The following NT5DC1 variants were observed in gnomAD, a reference collection of about 807,000 sequenced individuals.
The protein encoded by NT5DC1 is 5'-nucleotidase domain containing 1.
A neutral mutation model predicts 59.4 loss-of-function variants in NT5DC1; 42 were observed. That is an observed-to-expected ratio of 0.71 (90% confidence interval 0.55 to 0.92). NT5DC1 has a LOEUF of 0.92. Ranked by LOEUF, NT5DC1 falls within the 40% of genes least tolerant of loss-of-function variation. NT5DC1 has a pLI of 0.00. For missense variants in NT5DC1, 501 were observed against 537.1 expected, an observed-to-expected ratio of 0.93 and a Z score of 0.66; for synonymous variants, 172 against 188.1, an observed-to-expected ratio of 0.91 and a Z score of 0.70.
intron 6 of NT5DC1, among the ~76,000 whole-genome samples, chr6:116,154,019 G>A (rs1451101124): frequency 1.3e-5 from 2 of 150,328 alleles, no homozygotes; most frequent in African/African-American, 4.9e-5. Flanking sequence ...CATGCCTAAA[G>A]GGAAGATTTC....
intron 6 of NT5DC1, among the ~76,000 whole-genome samples, chr6:116,163,751 A>G (rs1780400569): frequency 6.6e-6 from 1 of 152,164 alleles, no homozygotes; most frequent in Non-Finnish European, 1.5e-5. Context: ...TGAATTTAGT[A>G]CTATGAACTT....
rs747480072 is a variant in NT5DC1, at chr6:116,244,042, ATGAAG to A, written c.*24_*28del. ...CCAAATAAGTTGTCTTTACTGAAAAATGAAGTGAAGACCCATATATGCAGTTAAAA... is the reference window on the plus strand; with the variant it reads ...CCAAATAAGTTGTCTTTACTGAAAAATGAAGACCCATATATGCAGTTAAAA... On this transcript the variant is annotated 3_prime_UTR_variant, in exon 12 of 12. Coordinates refer to ENST00000319550, the MANE Select transcript of NT5DC1 (RefSeq NM_152729.3). 1.8e-5 allele frequency: 19 copies of A among 1,066,532 alleles called. No individual in the cohort carries two copies. The East Asian group carries it at 3.6e-4, about 20-fold the overall frequency. The allele number at this position is 1,066,532 out of a possible 1,614,324, so 66.1% of individuals were successfully genotyped here.
chr6:116,181,095 G>A lies in NT5DC1; in HGVS notation c.530-39959G>A, dbSNP rs73774219. On this transcript the variant is annotated intron_variant, in intron 6 of 11. Coordinates refer to ENST00000319550, the MANE Select transcript of NT5DC1 (RefSeq NM_152729.3). ...TTAAGACAACCTAACAGAGGTACAC[G>A]AGATACATATATAGATGAAAAGATT... is the stretch of plus-strand genomic sequence containing the variant. Among the ~76,000 whole-genome samples, 344 of 151,900 alleles carry A rather than the reference G, an allele frequency of 2.3e-3. 2 individuals are homozygous for A. Among genetic ancestry groups the A allele is most frequent in the African/African-American group, 8.1e-3 (338 of 41,476 alleles).
chr6:116,198,575 T>A (rs756881507), intron 6 of NT5DC1, among the ~76,000 whole-genome samples: 4 of 151,362 alleles, frequency 2.6e-5, no homozygotes, highest in Admixed American at 2.0e-4. Context: ...AGAAAAAAAA[T>A]TTAAAAATAG....
At chr6:116,209,120 G>C (rs1781520968) in intron 6 of NT5DC1, among the ~76,000 whole-genome samples, 1 of 151,838 alleles carries the variant, frequency 6.6e-6, no homozygotes, top group African/African-American at 2.4e-5. Flanking sequence ...ATAACTAATT[G>C]TATTTTTATT....
chr6:116,110,852 C>G lies in NT5DC1; in HGVS notation c.260C>G (p.Ala87Gly). The G allele has an allele frequency of 6.2e-7, 1 of 1,611,966 alleles. No individual in the cohort carries two copies. Among genetic ancestry groups the G allele is most frequent in the South Asian group, 1.1e-5 (1 of 91,044 alleles). Residue 87 changes from alanine (A) to glycine (G), a missense_variant and splice_region_variant, in exon 4 of 12, where the codon GCA becomes GGA. Physicochemically the swap from Ala to Gly is moderately conservative, Grantham distance 60. Transcript: ENST00000319550. ...TGTGCCTCCTCTCTCAAAATCAGGG[C>G]AAGCCATGGCACCAAGATGATGACT... Reference protein sequence around the residue: ...KLANNGTVLRASHGTKMMTPE... With the variant: ...KLANNGTVLRGSHGTKMMTPE...
chr6:116,247,838 C>T lies in NT5DC1; in HGVS notation c.*3814C>T, dbSNP rs1198945611. Reference sequence around the variant, plus strand: ...AATATTCTCTTAACAGAAATGTCAGCGGTTACTTACAATGCTTAGCAGCTA... The same window carrying T: ...AATATTCTCTTAACAGAAATGTCAGTGGTTACTTACAATGCTTAGCAGCTA... On this transcript the variant is annotated 3_prime_UTR_variant, in exon 12 of 12. Transcript: ENST00000319550. The T allele has an allele frequency of 2.0e-5, 3 of 152,126 alleles. No individual in the cohort carries two copies. Among genetic ancestry groups the T allele is most frequent in the Non-Finnish European group, 4.4e-5 (3 of 68,024 alleles). The allele number at this position is 152,126 out of a possible 1,614,324, so 9.4% of individuals were successfully genotyped here.
intron 6 of NT5DC1, among the ~76,000 whole-genome samples, chr6:116,211,577 C>T (rs1781578323): frequency 6.6e-6 from 1 of 151,932 alleles, no homozygotes. Context: ...ACTAGAACAG[C>T]CATTCATTAG....
At chr6:116,191,713 T>C (rs1365003793) in intron 6 of NT5DC1, among the ~76,000 whole-genome samples, 1 of 152,046 alleles carries the variant, frequency 6.6e-6, no homozygotes, top group African/African-American at 2.4e-5. Flanking sequence ...TGTGTAATAA[T>C]GTAGTTTATA....
chr6:116,234,065 A>G (rs1444856115), intron 8 of NT5DC1, among the ~76,000 whole-genome samples: 3 of 147,956 alleles, frequency 2.0e-5, no homozygotes, highest in African/African-American at 5.0e-5. Flanking sequence ...GGTTCAAGCA[A>G]TTCTCCTGCT....
rs1771792093 is a variant in NT5DC1 at position 116,244,081 on chromosome 6, A to G, written c.*57A>G. The stretch of plus-strand genomic sequence containing the variant: ...CATATATGCAGTTAAAAAAAAGTTA[A>G]TTTTCAAAAAATACTGTAAAAGACT... On this transcript the variant is annotated 3_prime_UTR_variant, in exon 12 of 12. Transcript: ENST00000319550. 3.0e-6 allele frequency: 2 copies of G among 662,504 alleles called. No individual in the cohort carries two copies. Among genetic ancestry groups the G allele is most frequent in the Non-Finnish European group, 5.2e-6 (2 of 383,492 alleles). The allele number at this position is 662,504 out of a possible 1,614,324, so 41.0% of individuals were successfully genotyped here. A position where few individuals can be genotyped will look rare whatever the true frequency, so the allele number is the denominator to read the frequency against.
chr6:116,126,799 G>T lies in NT5DC1; in HGVS notation c.529+8854G>T, dbSNP rs148556235. On this transcript the variant is annotated intron_variant, in intron 6 of 11. Transcript: ENST00000319550. Reference sequence around the variant, plus strand: ...TCTCATATTATGTTAATTTACATAAGATTGCTGTGTTTATTTCAGGAGAAA... The same window carrying T: ...TCTCATATTATGTTAATTTACATAATATTGCTGTGTTTATTTCAGGAGAAA... 3.1e-3 allele frequency among the ~76,000 whole-genome samples: 469 copies of T among 152,114 alleles called. 2 individuals are homozygous for T. The highest frequency in any genetic ancestry group is 0.011 in the African/African-American group (443 of 41,508).
Position 116,108,353 on chromosome 6 carries a change from T to C in NT5DC1, c.186-11T>C, listed in dbSNP as rs1242180727. The C allele has an allele frequency of 6.4e-6, 10 of 1,569,018 alleles. No individual in the cohort carries two copies. The highest frequency in any genetic ancestry group is 1.4e-5 in the African/African-American group (1 of 74,062). Reference sequence around the variant, plus strand: ...TAGGAATTGATTAATAATCAAACTTTCCTATTTCAGTTGCAAAGGTTTGGC... The same window carrying C: ...TAGGAATTGATTAATAATCAAACTTCCCTATTTCAGTTGCAAAGGTTTGGC... On this transcript the variant is annotated splice_polypyrimidine_tract_variant and intron_variant, in intron 2 of 11. Coordinates refer to ENST00000319550, the MANE Select transcript of NT5DC1 (RefSeq NM_152729.3).
At chr6:116,200,939 T>C (rs897646648) in intron 6 of NT5DC1, among the ~76,000 whole-genome samples, 9 of 152,180 alleles carry the variant, frequency 5.9e-5, no homozygotes, top group Middle Eastern at 3.4e-3. Context: ...CAGTGCTTTT[T>C]TCTAACCAAG....
chr6:116,239,096 G>T lies in NT5DC1; in HGVS notation c.1225G>T (p.Ala409Ser). 1 of 1,611,974 alleles carries T rather than the reference G, an allele frequency of 6.2e-7. No homozygotes were observed. The highest frequency in any genetic ancestry group is 8.5e-7 in the Non-Finnish European group (1 of 1,178,988). The part of the protein sequence containing the change: ...CKRISTYSTI[A>S]IPSIEAIAEL... ...GAGAATCAGTACTTACAGCACTATT[G>T]CAATTCCAAGTATTGAAGCAATCGC... Residue 409 changes from alanine to serine, a missense_variant, in exon 11 of 12, where the codon GCA becomes TCA. Coordinates refer to ENST00000319550, the MANE Select transcript of NT5DC1 (RefSeq NM_152729.3).
intron 6 of NT5DC1, among the ~76,000 whole-genome samples, chr6:116,179,013 T>C (rs1388216223): frequency 6.6e-6 from 1 of 152,208 alleles, no homozygotes; most frequent in East Asian, 1.9e-4. Flanking sequence ...ATACAAATGG[T>C]AATTTCTTGG....
chr6:116,134,695 G>A (rs554634256), intron 6 of NT5DC1, among the ~76,000 whole-genome samples: 62 of 152,312 alleles, frequency 4.1e-4, no homozygotes, highest in Non-Finnish European at 7.2e-4. Flanking sequence ...AGAGGTCCTA[G>A]TATTAACAAC....
intron 6 of NT5DC1, among the ~76,000 whole-genome samples, chr6:116,142,754 TG>T (rs1166146027): frequency 6.6e-6 from 1 of 152,196 alleles, no homozygotes; most frequent in Non-Finnish European, 1.5e-5. Context: ...CTGCTTTTCT[TG>T]TTTCTTTTTG....
At chr6:116,193,604 TG>T (rs1781165582) in intron 6 of NT5DC1, among the ~76,000 whole-genome samples, 1 of 152,120 alleles carries the variant, frequency 6.6e-6, no homozygotes. Flanking sequence ...ACACAGAATA[TG>T]TCTCATCTCT....
Sources: allele counts gnomAD v4.1 joint callset (sites outside exome capture counted in the v4.1 genomes callset), GRCh38; gene constraint gnomAD v4.1.1; transcripts MANE v1.5; gene names NCBI Gene and HGNC (gene_info 2026-07-23, HGNC 2026-07-21).